DNAH9: variants seen among roughly 807,000 people sequenced by gnomAD.
DNAH9 encodes the protein DNAH9 variant protein.
In DNAH9, 345 loss-of-function variants were observed where a neutral mutation model predicts 471.6. The observed-to-expected ratio is 0.73, with a 90% CI of 0.67 to 0.80. DNAH9 has a LOEUF of 0.80. DNAH9 is among the 30% of genes least tolerant of loss of function. The pLI is 0.00. For missense variants in DNAH9, 5,407 were observed against 5,609.2 expected (o/e 0.96, Z 1.15); for synonymous variants, 2,093 against 2,123.6 (o/e 0.99, Z 0.40).
chr17:11,617,987 C>CCAAT lies in DNAH9; in HGVS notation c.1116+367_1116+370dup, dbSNP rs571221433. ...TCAGGTAGAGTCAGGCGATGCTGTA[C>CCAAT]CAATCCCTGGCTTTGCCACTTGGCA... is the stretch of plus-strand genomic sequence containing the variant. On this transcript the variant is annotated intron_variant, in intron 5 of 68. Coordinates refer to ENST00000262442, the MANE Select transcript of DNAH9 (RefSeq NM_001372.4). Among the ~76,000 whole-genome samples the CCAAT allele has an allele frequency of 9.1e-4, 138 of 152,308 alleles. 1 individual carries two copies. The highest frequency in any genetic ancestry group is 9.4e-4 in the Non-Finnish European group (64 of 68,024).
chr17:11,768,389 GCCT>G, intron 36 of DNAH9, 61 bp from the exon 37 acceptor site: 1 of 1,524,620 alleles, frequency 6.6e-7, no homozygotes, highest in South Asian at 1.2e-5. Context: ...TGACGCCGTG[GCCT>G]CCTGTGTGGG....
At chr17:11,787,468 G>C (rs1269594835) in intron 41 of DNAH9, among the ~76,000 whole-genome samples, 1 of 152,200 alleles carries the variant, frequency 6.6e-6, no homozygotes, top group Non-Finnish European at 1.5e-5. Context: ...TCCTCCTTGA[G>C]TCTGACCAAA....
At chr17:11,763,208 G>A (rs1177439418) in intron 35 of DNAH9, among the ~76,000 whole-genome samples, 1 of 152,110 alleles carries the variant, frequency 6.6e-6, no homozygotes, top group Non-Finnish European at 1.5e-5. Flanking sequence ...CAGAGGAAAG[G>A]AGATGAGAAA....
rs1166609355 is a variant in DNAH9 at position 11,619,916 on chromosome 17, A to G, written c.1350+135A>G. 4 of 625,184 alleles carry G rather than the reference A, an allele frequency of 6.4e-6. No individual in the cohort carries two copies. In the East Asian group the frequency reaches 1.1e-4, roughly 17 times the overall value. 38.7% of individuals were successfully genotyped at this position (625,184 alleles called of 1,614,324 possible). On this transcript the variant is annotated intron_variant, in intron 6 of 68. Transcript: ENST00000262442. ...CATCAGCTGGAATAATCCATAATAA[A>G]GGTTCAATTGGCCAGTCACAGTGGC...
rs1555621039 is a variant in DNAH9 at position 11,920,035 on chromosome 17, C to CTTTCTTTT, written c.11750-3776_11750-3775insCTTTTTTT. On this transcript the variant is annotated intron_variant, in intron 61 of 68. Transcript: ENST00000262442. ...GAAATGAAATGGAGCTAAGTTCTTTCTTTTTTTTTTTTTTTTGAGACAGAG... is the reference window on the plus strand; with the variant it reads ...GAAATGAAATGGAGCTAAGTTCTTTCTTTCTTTTTTTTTTTTTTTTTTTTGAGACAGAG... 1.8e-3 allele frequency among the ~76,000 whole-genome samples: 250 copies of CTTTCTTTT among 135,938 alleles called. 1 individual carries two copies. The Middle Eastern group carries it at 0.019, about 10-fold the overall frequency. 89.2% of individuals were successfully genotyped at this position (135,938 alleles called of 152,430 possible). A position where few individuals can be genotyped will look rare whatever the true frequency, so the allele number is the denominator to read the frequency against.
chr17:11,598,748 C>A lies in DNAH9; in HGVS notation c.250C>A (p.Arg84Ser). 2 of 1,417,830 alleles carry A rather than the reference C, an allele frequency of 1.4e-6. No individual in the cohort carries two copies. Among genetic ancestry groups the A allele is most frequent in the Non-Finnish European group, 9.1e-7 (1 of 1,092,910 alleles). 87.8% of individuals were successfully genotyped at this position (1,417,830 alleles called of 1,614,324 possible). A position where few individuals can be genotyped will look rare whatever the true frequency, so the allele number is the denominator to read the frequency against. The change falls in exon 1 of 69, where the codon CGC becomes AGC. Residue 84 changes from arginine (R) to serine (S), a missense_variant. Arg to Ser is a moderately radical substitution (Grantham distance 110). Around this residue, in one of 3 missense-constraint regions of DNAH9, gnomAD observed 767 missense variants for 692.5 expected, o/e 1.11. Transcript: ENST00000262442. ...VRPGPRGLAIRPGLEVGPESG... is the reference protein window; with the variant it reads ...VRPGPRGLAISPGLEVGPESG... ...GCCCGGGCCCAGGGGCCTGGCAATA[C>A]GCCCCGGGCTGGAGGTGGGACCTGA...
chr17:11,843,863 G>GTGTGTGTGTGTGTATA lies in DNAH9; in HGVS notation c.9507+8966_9507+8967insGTGTGTGTGTGTATAT, dbSNP rs1253794533. Among the ~76,000 whole-genome samples the GTGTGTGTGTGTGTATA allele has an allele frequency of 6.7e-4, 31 of 46,468 alleles. 1 individual carries two copies. The highest frequency in any genetic ancestry group is 1.9e-3 in the Admixed American group (5 of 2,662). The allele number at this position is 46,468 out of a possible 152,430, so 30.5% of individuals were successfully genotyped here. ...TGTTTGTGTGTGTGTGTGTGTGTGT[G>GTGTGTGTGTGTGTATA]TATATATATATATATATATATATAT... is the stretch of plus-strand genomic sequence containing the variant. On this transcript the variant is annotated intron_variant, in intron 49 of 68. Transcript: ENST00000262442.
At chr17:11,648,011 G>T (rs183275044) in intron 12 of DNAH9, among the ~76,000 whole-genome samples, 74 of 152,310 alleles carry the variant, frequency 4.9e-4, no homozygotes, top group Admixed American at 1.5e-3. Flanking sequence ...TGTTTTAGAT[G>T]ATCAGAAGGA....
At chr17:11,774,237 A>G (rs905365229) in intron 38 of DNAH9, among the ~76,000 whole-genome samples, 4 of 152,204 alleles carry the variant, frequency 2.6e-5, no homozygotes, top group African/African-American at 7.2e-5. Context: ...ACTAAACTCA[A>G]TGTGTATCAT....
At position 11,805,032 on chromosome 17, in the gene DNAH9, C is replaced by T. The variant is rs79933402; in HGVS notation, c.8421-2700C>T. ...TCCCACCATTACACTCCAGCCTGGG[C>T]GAGAAAGCAAGGCTCTGTCTCAAAA... On this transcript the variant is annotated intron_variant, in intron 43 of 68. Transcript: ENST00000262442. 3.3e-3 allele frequency among the ~76,000 whole-genome samples: 502 copies of T among 150,576 alleles called. 5 individuals carry two copies. The highest frequency in any genetic ancestry group is 0.012 in the African/African-American group (478 of 40,830).
chr17:11,617,034 A>G (rs2072760645), intron 4 of DNAH9, among the ~76,000 whole-genome samples: 1 of 152,214 alleles, frequency 6.6e-6, no homozygotes, highest in African/African-American at 2.4e-5. Context: ...ACACGTGCCC[A>G]AAGTCATACA....
rs540344452 is a variant in DNAH9, at chr17:11,911,062, T to C, written c.11749+5253T>C. 3.0e-4 allele frequency among the ~76,000 whole-genome samples: 46 copies of C among 152,344 alleles called. No individual in the cohort carries two copies. In the South Asian group the frequency reaches 9.3e-3, roughly 31 times the overall value. ...TATGTTAAAATACAATTTATCTATGTTTTCCTTTGGCCACTTGTATTTTAA... is the reference window on the plus strand; with the variant it reads ...TATGTTAAAATACAATTTATCTATGCTTTCCTTTGGCCACTTGTATTTTAA... On this transcript the variant is annotated intron_variant, in intron 61 of 68. Coordinates refer to ENST00000262442, the MANE Select transcript of DNAH9 (RefSeq NM_001372.4).
rs73980525 is a variant in DNAH9, at chr17:11,884,867, G to A, written c.10971+1117G>A. On this transcript the variant is annotated intron_variant, in intron 56 of 68. Transcript: ENST00000262442. Reference sequence around the variant, plus strand: ...GACAGACCCAACTTACATCAAGAGAGTAGGTCAGAGGATGGGATGCAGCAT... The same window carrying A: ...GACAGACCCAACTTACATCAAGAGAATAGGTCAGAGGATGGGATGCAGCAT... Among the ~76,000 whole-genome samples the A allele has an allele frequency of 4.3e-3, 660 of 152,220 alleles. 11 individuals carry two copies. Among genetic ancestry groups the A allele is most frequent in the African/African-American group, 0.015 (628 of 41,536 alleles).
chr17:11,912,166 C>T (rs989524928), intron 61 of DNAH9, among the ~76,000 whole-genome samples: 22 of 152,106 alleles, frequency 1.4e-4, no homozygotes, highest in Admixed American at 1.4e-3. Flanking sequence ...TACAGGTACA[C>T]GCCACCATGT....
intron 32 of DNAH9, among the ~76,000 whole-genome samples, chr17:11,749,209 C>T (rs1430652010): frequency 1.3e-5 from 2 of 151,366 alleles, no homozygotes; most frequent in African/African-American, 4.9e-5. Context: ...CTCAGCCTCC[C>T]GAGTAGCTGG....
intron 22 of DNAH9, among the ~76,000 whole-genome samples, chr17:11,698,147 T>C (rs8073788): frequency 0.77 from 95,067 of 122,736 alleles, 36,603 homozygotes; most frequent in East Asian, 0.88. Flanking sequence ...TATATTAGTA[T>C]TATATTATTA....
At chr17:11,941,740 T>TAGATAGATAGA (rs1567565671) in intron 66 of DNAH9, among the ~76,000 whole-genome samples, 13 of 146,826 alleles carry the variant, frequency 8.9e-5, no homozygotes, top group African/African-American at 3.3e-4. Context: ...AGATAGATAG[T>TAGATAGATAGA]GATAGATTAG....
chr17:11,668,689 A>G (rs947512243), intron 15 of DNAH9, among the ~76,000 whole-genome samples: 3 of 150,404 alleles, frequency 2.0e-5, no homozygotes, highest in African/African-American at 7.3e-5. Flanking sequence ...AAAAAAAACA[A>G]TCAATCTCTT....
At chr17:11,827,852 A>T (rs1234109719) in intron 48 of DNAH9, among the ~76,000 whole-genome samples, 2 of 151,940 alleles carry the variant, frequency 1.3e-5, no homozygotes, top group Non-Finnish European at 2.9e-5. Context: ...CACCCGGCTA[A>T]TTTTTGTATT....
Sources: allele counts gnomAD v4.1 joint callset (sites outside exome capture counted in the v4.1 genomes callset), GRCh38; gene constraint gnomAD v4.1.1; regional missense constraint gnomAD v4.1.1; transcripts MANE v1.5; gene names NCBI Gene and HGNC (gene_info 2026-07-23, HGNC 2026-07-21).